The following CLSTN2 variants were observed in gnomAD, a reference collection of about 807,000 sequenced individuals.
CLSTN2 encodes the protein calsyntenin 2, also known as calsyntenin-2.
Under a neutral mutation model 101.2 loss-of-function variants are expected in CLSTN2, and 48 were observed. The observed-to-expected ratio is 0.47, with a 90% CI of 0.38 to 0.60. CLSTN2 has a LOEUF of 0.60. Ranked by LOEUF, CLSTN2 falls within the 20% of genes least tolerant of loss-of-function variation. The pLI is 0.00. For missense variants in CLSTN2, 1,160 were observed against 1,238.2 expected (o/e 0.94, Z 0.95); for synonymous variants, 481 against 463.6 (o/e 1.04, Z -0.48).
At chr3:140,401,917 C>T (rs1208173197) in intron 2 of CLSTN2, among the ~76,000 whole-genome samples, 1 of 152,082 alleles carries the variant, frequency 6.6e-6, no homozygotes, top group Non-Finnish European at 1.5e-5. Flanking sequence ...CCTAGTGATC[C>T]CAAAAAACGG....
At chr3:140,448,811 A>G in intron 6 of CLSTN2, 107 bp downstream of exon 6, 1 of 985,664 alleles carries the variant, frequency 1.0e-6, no homozygotes, top group Non-Finnish European at 1.5e-6. Context: ...CCCTTCCTGC[A>G]CTGATATGTG....
At chr3:140,088,055 G>T (rs1426116616) in intron 1 of CLSTN2, among the ~76,000 whole-genome samples, 1 of 152,100 alleles carries the variant, frequency 6.6e-6, no homozygotes, top group Non-Finnish European at 1.5e-5. Context: ...AGGAGAGTTT[G>T]GTATCTCATC....
At chr3:140,335,454 G>GA (rs1366866558) in intron 2 of CLSTN2, among the ~76,000 whole-genome samples, 1 of 115,712 alleles carries the variant, frequency 8.6e-6, no homozygotes, top group Non-Finnish European at 2.0e-5. Context: ...GATGTGAAAG[G>GA]CCAAAAAAAA....
chr3:140,011,650 C>T (rs757859293), intron 1 of CLSTN2, among the ~76,000 whole-genome samples: 9 of 152,202 alleles, frequency 5.9e-5, no homozygotes, highest in Admixed American at 2.0e-4. Flanking sequence ...CTTCTCACAA[C>T]TCACCTCAGG....
chr3:139,964,494 G>T (rs1409427139), intron 1 of CLSTN2, among the ~76,000 whole-genome samples: 1 of 152,106 alleles, frequency 6.6e-6, no homozygotes, highest in Non-Finnish European at 1.5e-5. Flanking sequence ...ACACAAACTT[G>T]GTTTCAAAGT....
At chr3:140,092,530 C>T (rs1354639618) in intron 1 of CLSTN2, among the ~76,000 whole-genome samples, 1 of 152,188 alleles carries the variant, frequency 6.6e-6, no homozygotes, top group Non-Finnish European at 1.5e-5. Flanking sequence ...GGTTGCAGAG[C>T]TGGGAGGCCC....
chr3:140,478,904 AAGGGAGGC>A (rs1473295915), intron 8 of CLSTN2, among the ~76,000 whole-genome samples: 1 of 126,876 alleles, frequency 7.9e-6, no homozygotes, highest in Non-Finnish European at 1.8e-5. Context: ...GGAAGGAAGG[AAGGGAGGC>A]AGGCATATTC....
At chr3:140,150,368 A>G (rs1197354305) in intron 1 of CLSTN2, among the ~76,000 whole-genome samples, 2 of 152,212 alleles carry the variant, frequency 1.3e-5, no homozygotes, top group African/African-American at 4.8e-5. Flanking sequence ...TTAAAATGGA[A>G]ATGACATCTA....
intron 10 of CLSTN2, among the ~76,000 whole-genome samples, chr3:140,549,393 A>C (rs1475959521): frequency 1.3e-5 from 2 of 151,732 alleles, no homozygotes; most frequent in Non-Finnish European, 1.5e-5. Context: ...ATTTTTCAGG[A>C]TACTGAAACT....
At chr3:140,121,908 T>C (rs1479675654) in intron 1 of CLSTN2, among the ~76,000 whole-genome samples, 2 of 152,208 alleles carry the variant, frequency 1.3e-5, no homozygotes, top group African/African-American at 2.4e-5. Context: ...GGATCTGGCT[T>C]GATCTTACCT....
At chr3:140,399,624 A>G (rs931897395) in intron 2 of CLSTN2, among the ~76,000 whole-genome samples, 1 of 152,238 alleles carries the variant, frequency 6.6e-6, no homozygotes, top group Admixed American at 6.5e-5. Context: ...TACAGTTCAT[A>G]TATACATATG....
intron 7 of CLSTN2, chr3:140,460,877 C>T (rs993953980): frequency 3.3e-5 from 5 of 152,200 alleles, no homozygotes; most frequent in Non-Finnish European, 7.3e-5. Context: ...GGCTGAAGCT[C>T]GGCCTCTGCT....
intron 1 of CLSTN2, among the ~76,000 whole-genome samples, chr3:140,047,986 A>T (rs1403743825): frequency 6.6e-6 from 1 of 152,232 alleles, no homozygotes; most frequent in Non-Finnish European, 1.5e-5. Context: ...TTAAATAATG[A>T]CACAAGGAAA....
At chr3:140,294,564 C>CTT (rs768868571) in intron 2 of CLSTN2, among the ~76,000 whole-genome samples, 123 of 141,010 alleles carry the variant, frequency 8.7e-4, no homozygotes, top group African/African-American at 3.1e-3. Flanking sequence ...TCCCCAATGT[C>CTT]TTTTTTTTTT....
intron 2 of CLSTN2, among the ~76,000 whole-genome samples, chr3:140,359,560 T>G (rs2087706141): frequency 6.6e-6 from 1 of 152,208 alleles, no homozygotes; most frequent in Non-Finnish European, 1.5e-5. Context: ...AATAACTTAA[T>G]GGCATAATTA....
At chr3:140,171,658 A>ATATTATATAATATG (rs1559797132) in intron 1 of CLSTN2, among the ~76,000 whole-genome samples, 2 of 20,332 alleles carry the variant, frequency 9.8e-5, no homozygotes, top group Non-Finnish European at 1.9e-4. Context: ...TACGTATTAT[A>ATATTATATAATATG]TATTATATAT....
intron 2 of CLSTN2, among the ~76,000 whole-genome samples, chr3:140,266,795 G>A (rs1430268730): frequency 1.3e-5 from 2 of 152,140 alleles, no homozygotes; most frequent in South Asian, 2.1e-4. Flanking sequence ...CCCAAGCCGT[G>A]GGTCCATTGG....
intron 1 of CLSTN2, among the ~76,000 whole-genome samples, chr3:140,100,629 C>T (rs1378140588): frequency 2.0e-5 from 3 of 152,188 alleles, no homozygotes; most frequent in Admixed American, 6.5e-5. Context: ...TACTGATTAC[C>T]CAGCCTCCCA....
At chr3:140,489,828 A>G (rs148344495) in intron 8 of CLSTN2, among the ~76,000 whole-genome samples, 20 of 151,322 alleles carry the variant, frequency 1.3e-4, no homozygotes, top group Non-Finnish European at 2.1e-4. Flanking sequence ...ATTAGAAAAC[A>G]ACTGGCTCTG....
Sources: gnomAD v4.1 joint callset for allele counts (sites outside exome capture counted in the v4.1 genomes callset) on GRCh38, gnomAD v4.1.1 for gene constraint, MANE v1.5 for transcripts, NCBI Gene and HGNC (gene_info 2026-07-23, HGNC 2026-07-21) for gene names.